Variants in CCDC33 observed in about 807,000 individuals in gnomAD.
The protein encoded by CCDC33 is coiled-coil domain containing 33, also known as coiled-coil domain-containing protein 33.
A neutral mutation model predicts 91.9 loss-of-function variants in CCDC33; 94 were observed. The observed-to-expected ratio is 1.02, with a 90% CI of 0.87 to 1.21. CCDC33 has a LOEUF of 1.21. CCDC33 is among the 50% of genes most tolerant of loss of function. CCDC33 has a pLI of 0.00. For synonymous variants in CCDC33, 396 were observed against 374.5 expected, an observed-to-expected ratio of 1.06 and a Z score of -0.66; for missense variants, 940 against 935.5, an observed-to-expected ratio of 1.00 and a Z score of -0.06.
chr15:74,325,180 G>A (rs1412894079), intron 11 of CCDC33, among the ~76,000 whole-genome samples: 1 of 151,970 alleles, frequency 6.6e-6, no homozygotes, highest in Non-Finnish European at 1.5e-5. Context: ...GGTGGCCTGA[G>A]GCATCTTGCC....
At chr15:74,268,720 C>T (rs917700654) in intron 5 of CCDC33, among the ~76,000 whole-genome samples, 4 of 152,224 alleles carry the variant, frequency 2.6e-5, no homozygotes, top group Admixed American at 6.5e-5. Context: ...GGGAGGGGCT[C>T]AGCCACACTG....
At chr15:74,312,569 T>C (rs149604887) in intron 11 of CCDC33, among the ~76,000 whole-genome samples, 61 of 152,272 alleles carry the variant, frequency 4.0e-4, no homozygotes, top group African/African-American at 1.3e-3. Context: ...AGCCTGCCTG[T>C]TCACAGCGCC....
intron 7 of CCDC33, among the ~76,000 whole-genome samples, chr15:74,278,725 C>G (rs2076514055): frequency 6.6e-6 from 1 of 152,266 alleles, no homozygotes; most frequent in African/African-American, 2.4e-5. Context: ...GAGCCTTTCT[C>G]TGGTTCTGCT....
intron 10 of CCDC33, among the ~76,000 whole-genome samples, chr15:74,283,794 TCA>T (rs3223095): frequency 2.7e-3 from 398 of 146,248 alleles, no homozygotes; most frequent in Non-Finnish European, 4.2e-3. Context: ...AGCCAAGAAT[TCA>T]CACACACACA....
In CCDC33 at chr15:74,244,296, C is replaced by T; in HGVS notation, c.185+148C>T. On this transcript the variant is annotated intron_variant, in intron 2 of 18. Transcript: ENST00000398814. This position sits in a 1 kb window ranked among gnomAD's most constrained non-coding sequence, Gnocchi z 4.2. ...AGGAGCTGCTGTGGGCACTACCTGG[C>T]ATCTCCGCTGCTGCATGGGAAGCTG... 1 of 1,049,124 alleles carries T rather than the reference C, an allele frequency of 9.5e-7. No individual in the cohort carries two copies. The highest frequency in any genetic ancestry group is 1.3e-6 in the Non-Finnish European group (1 of 754,092). 65.0% of individuals were successfully genotyped at this position (1,049,124 alleles called of 1,614,324 possible).
At chr15:74,262,863 G>A (rs2076064971) in intron 3 of CCDC33, among the ~76,000 whole-genome samples, 1 of 152,230 alleles carries the variant, frequency 6.6e-6, no homozygotes, top group East Asian at 1.9e-4. Flanking sequence ...GTCTCCTACT[G>A]AAACAGGACA....
intron 3 of CCDC33, among the ~76,000 whole-genome samples, chr15:74,265,047 C>G (rs978894426): frequency 6.6e-6 from 1 of 152,188 alleles, no homozygotes; most frequent in African/African-American, 2.4e-5. Context: ...TCTTGAGATA[C>G]CTTGGCAAGT....
At position 74,335,009 on chromosome 15, in the gene CCDC33, A is replaced by C; in HGVS notation, c.2060A>C (p.Lys687Thr). 6.2e-7 allele frequency: 1 copy of C among 1,614,110 alleles called. No individual in the cohort carries two copies. Among genetic ancestry groups the C allele is most frequent in the Non-Finnish European group, 8.5e-7 (1 of 1,179,994 alleles). ...EDSARRWGRE[K>T]QDLATRLQEQ... is the part of the protein sequence containing the mutation. ...TCAGCTCGACGCTGGGGACGAGAGA[A>C]GCAGGATCTGGCCACACGGCTGCAG... The change falls in exon 18 of 19, where the codon AAG (lysine) becomes ACG (threonine). Residue 687 changes from lysine to threonine, a missense_variant. Lys to Thr is a moderately conservative substitution (Grantham distance 78). Transcript: ENST00000398814.
chr15:74,259,818 C>G (rs1040834048), intron 2 of CCDC33, among the ~76,000 whole-genome samples: 4 of 152,208 alleles, frequency 2.6e-5, no homozygotes, highest in Admixed American at 2.6e-4. Flanking sequence ...CCTGTGACTT[C>G]ACACCTTCAT....
At chr15:74,252,438 G>T (rs980176166) in intron 2 of CCDC33, among the ~76,000 whole-genome samples, 1 of 152,214 alleles carries the variant, frequency 6.6e-6, no homozygotes, top group African/African-American at 2.4e-5. Context: ...TCATGGGATA[G>T]TCCCAGGAAT....
chr15:74,269,601 G>A (rs1355706270), intron 5 of CCDC33, among the ~76,000 whole-genome samples: 2 of 152,186 alleles, frequency 1.3e-5, no homozygotes, highest in Non-Finnish European at 2.9e-5. Context: ...TCCCCAGGCC[G>A]CACCCCACAG....
intron 9 of CCDC33, among the ~76,000 whole-genome samples, chr15:74,281,527 G>A (rs2059363604): frequency 6.6e-6 from 1 of 152,144 alleles, no homozygotes; most frequent in South Asian, 2.1e-4. Flanking sequence ...TGACATAATA[G>A]ACCTCAATGA....
intron 10 of CCDC33, among the ~76,000 whole-genome samples, chr15:74,290,167 G>A (rs570527325): frequency 4.3e-5 from 6 of 141,094 alleles, no homozygotes; most frequent in Admixed American, 3.6e-4. Flanking sequence ...TTAACCATTT[G>A]TTAGGTTTCT....
intron 10 of CCDC33, among the ~76,000 whole-genome samples, chr15:74,292,287 C>G (rs2059599091): frequency 6.6e-6 from 1 of 152,190 alleles, no homozygotes; most frequent in African/African-American, 2.4e-5. Flanking sequence ...CCCTGACTCA[C>G]CATCTCCTAT....
Position 74,335,073 on chromosome 15 carries a change from C to T in CCDC33, c.2124C>T (p.Ile708=), listed in dbSNP as rs1339460244. 6 of 1,613,680 alleles carry T rather than the reference C, an allele frequency of 3.7e-6. No individual in the cohort carries two copies. In the South Asian group the frequency reaches 4.4e-5, roughly 12 times the overall value. Residue 708 remains isoleucine (I), a synonymous_variant, in exon 18 of 19, where the codon ATC becomes ATT. Transcript: ENST00000398814. ...EKGFRHPSNS[I]IIEQPSALTH... is the part of the protein sequence containing the mutation. ...GTTTCAGGCACCCCTCGAACTCCAT[C>T]ATCATAGAACAGCCTGTGAGTGACC...
chr15:74,215,139 G>A (rs1396888169), upstream of CCDC33, among the ~76,000 whole-genome samples: 3 of 152,212 alleles, frequency 2.0e-5, no homozygotes, highest in African/African-American at 7.2e-5. Flanking sequence ...GGATGAGTAG[G>A]GCTGCTGTCG....
intron 11 of CCDC33, among the ~76,000 whole-genome samples, chr15:74,329,263 C>T (rs2060376535): frequency 6.6e-6 from 1 of 152,072 alleles, no homozygotes; most frequent in Non-Finnish European, 1.5e-5. Context: ...TATCACTTCT[C>T]AGCGTATTGT....
intron 5 of CCDC33, among the ~76,000 whole-genome samples, 155 bp from the exon 6 acceptor site, chr15:74,271,548 G>A (rs74378251): frequency 0.07 from 10,712 of 152,232 alleles, 515 homozygotes; most frequent in African/African-American, 0.14. Context: ...AGCAAGAACC[G>A]AGTAAGGCAG....
upstream of CCDC33, among the ~76,000 whole-genome samples, chr15:74,216,650 C>CA (rs1420529747): frequency 3.1e-4 from 31 of 99,926 alleles, no homozygotes; most frequent in Non-Finnish European, 4.2e-4. Flanking sequence ...GACTCCATCT[C>CA]AAAAAAAAAA....
Sources: allele counts gnomAD v4.1 joint callset (sites outside exome capture counted in the v4.1 genomes callset), GRCh38; gene constraint gnomAD v4.1.1; non-coding constraint Gnocchi (gnomAD v3.1); transcripts MANE v1.5; gene names NCBI Gene and HGNC (gene_info 2026-07-23, HGNC 2026-07-21).